COG5: variants seen among roughly 807,000 people sequenced by gnomAD.
COG5 encodes the protein component of oligomeric golgi complex 5.
A neutral mutation model predicts 110.4 loss-of-function variants in COG5; 86 were observed. The observed-to-expected ratio is 0.78, with a 90% CI of 0.65 to 0.93. The LOEUF is 0.93. Among genes scored for constraint, COG5 ranks in the 40% least tolerant of loss-of-function variants. The pLI is 0.00. For synonymous variants in COG5, 360 were observed against 334.6 expected, an observed-to-expected ratio of 1.08 and a Z score of -0.83; for missense variants, 1,077 against 987.0, an observed-to-expected ratio of 1.09 and a Z score of -1.22.
chr7:107,534,433 A>G lies in COG5; in HGVS notation c.418-7076T>C, dbSNP rs1263456282. Among the ~76,000 whole-genome samples, 2 of 151,472 alleles carry G rather than the reference A, an allele frequency of 1.3e-5. 1 individual carries two copies. Among genetic ancestry groups the G allele is most frequent in the African/African-American group, 4.9e-5 (2 of 40,776 alleles). Reference sequence around the variant, plus strand: ...TTCAGGAGATCCATCTCATGTGTAAAGACACATATAGGCTGAAAATAAAGG... The same window carrying G: ...TTCAGGAGATCCATCTCATGTGTAAGGACACATATAGGCTGAAAATAAAGG... On this transcript the variant is annotated intron_variant, in intron 5 of 21. Coordinates refer to ENST00000297135, the MANE Select transcript of COG5 (RefSeq NM_006348.5).
At chr7:107,278,070 T>C (rs2116771229) in intron 14 of COG5, among the ~76,000 whole-genome samples, 1 of 152,292 alleles carries the variant, frequency 6.6e-6, no homozygotes, top group South Asian at 2.1e-4. Context: ...GAGACTTCTA[T>C]AACCAATCTT....
At chr7:107,406,531 A>T (rs1791850387) in intron 7 of COG5, among the ~76,000 whole-genome samples, 1 of 152,164 alleles carries the variant, frequency 6.6e-6, no homozygotes, top group South Asian at 2.1e-4. Flanking sequence ...GTCAAACTTG[A>T]CAACTGGTAA....
intron 6 of COG5, among the ~76,000 whole-genome samples, chr7:107,516,450 T>C (rs920233685): frequency 6.6e-6 from 1 of 152,254 alleles, no homozygotes; most frequent in African/African-American, 2.4e-5. Context: ...TTTGAAGAGC[T>C]TCTTAAATTT....
chr7:107,209,352 T>C (rs373711357), intron 21 of COG5: 3 of 341,790 alleles, frequency 8.8e-6, no homozygotes, highest in African/African-American at 2.2e-5. Context: ...ACAGGGAGTA[T>C]AAGAGAATGA....
intron 6 of COG5, among the ~76,000 whole-genome samples, chr7:107,440,515 G>T (rs190447983): frequency 6.6e-6 from 1 of 152,072 alleles, no homozygotes; most frequent in African/African-American, 2.4e-5. Context: ...CTAATAAGAC[G>T]GTCTTTTGCA....
At chr7:107,482,498 A>G (rs1331475895) in intron 6 of COG5, among the ~76,000 whole-genome samples, 1 of 152,022 alleles carries the variant, frequency 6.6e-6, no homozygotes, top group Non-Finnish European at 1.5e-5. Context: ...ACGTTTAACA[A>G]TTACTACTTT....
Position 107,313,645 on chromosome 7 carries a change from C to T in COG5, c.1108+10795G>A, listed in dbSNP as rs188917406. 1.0e-3 allele frequency among the ~76,000 whole-genome samples: 159 copies of T among 152,048 alleles called. 1 individual carries two copies. In the East Asian group the frequency reaches 0.024, roughly 23 times the overall value. ...TTGCCTGCATTCCTTGGTTTGTGGC[C>T]CCCCTTCAAGCAATTATATTACTCC... is the stretch of plus-strand genomic sequence containing the variant. On this transcript the variant is annotated intron_variant, in intron 11 of 21. Coordinates refer to ENST00000297135, the MANE Select transcript of COG5 (RefSeq NM_006348.5).
intron 6 of COG5, among the ~76,000 whole-genome samples, chr7:107,525,748 A>AG (rs1202461208): frequency 1.3e-5 from 2 of 151,924 alleles, no homozygotes; most frequent in African/African-American, 2.4e-5. Flanking sequence ...TTTACTTCTC[A>AG]ATTTTTACTT....
intron 11 of COG5, among the ~76,000 whole-genome samples, chr7:107,299,458 A>T (rs1260149804): frequency 6.6e-6 from 1 of 152,262 alleles, no homozygotes; most frequent in Non-Finnish European, 1.5e-5. Context: ...CTTGAAAGAA[A>T]CAAACTAACA....
intron 6 of COG5, among the ~76,000 whole-genome samples, chr7:107,464,277 G>A (rs1400413125): frequency 6.6e-6 from 1 of 152,120 alleles, no homozygotes; most frequent in African/African-American, 2.4e-5. Flanking sequence ...GCTCTCAGAA[G>A]CCCTTCATTC....
At chr7:107,354,280 A>T (rs1157946596) in intron 10 of COG5, among the ~76,000 whole-genome samples, 1 of 152,228 alleles carries the variant, frequency 6.6e-6, no homozygotes, top group Non-Finnish European at 1.5e-5. Flanking sequence ...ATATCATGTT[A>T]TTAGAACTAC....
At chr7:107,469,038 AT>A (rs1205364527) in intron 6 of COG5, among the ~76,000 whole-genome samples, 2 of 149,914 alleles carry the variant, frequency 1.3e-5, no homozygotes, top group African/African-American at 4.8e-5. Context: ...TTAATTTAAA[AT>A]TTTTAATTTA....
At chr7:107,522,968 C>T (rs978146881) in intron 6 of COG5, among the ~76,000 whole-genome samples, 1 of 152,144 alleles carries the variant, frequency 6.6e-6, no homozygotes, top group Non-Finnish European at 1.5e-5. Flanking sequence ...ACTCTGTTTT[C>T]TCTTAAAAGT....
intron 12 of COG5, among the ~76,000 whole-genome samples, chr7:107,288,962 A>G (rs1430926008): frequency 1.1e-5 from 1 of 92,500 alleles, no homozygotes; most frequent in African/African-American, 4.1e-5. Flanking sequence ...ATATATATAT[A>G]TTTAAAAATT....
chr7:107,362,369 C>T lies in COG5; in HGVS notation c.887G>A (p.Arg296His), dbSNP rs576854159. Residue 296 changes from arginine (R) to histidine (H), a missense_variant, in exon 9 of 22, where the codon CGT becomes CAT. Coordinates refer to ENST00000297135, the MANE Select transcript of COG5 (RefSeq NM_006348.5). The part of the protein sequence containing the change: ...MPTPGNTAAL[R>H]ASFWTNMEKL... ...CTCCATATTGGTCCAGAATGAGGCA[C>T]GCAAAGCTGCAGTATTTCCTGGGGT... The T allele has an allele frequency of 6.2e-6, 10 of 1,613,814 alleles. No individual in the cohort carries two copies. The highest frequency in any genetic ancestry group is 4.4e-5 in the South Asian group (4 of 91,088).
intron 18 of COG5, 43 bp downstream of exon 18, chr7:107,236,407 G>T: frequency 7.2e-7 from 1 of 1,387,082 alleles, no homozygotes; most frequent in Non-Finnish European, 1.0e-6. Flanking sequence ...AGATGATATT[G>T]AGGCCAAAAC....
chr7:107,477,420 T>C (rs185612779), intron 6 of COG5, among the ~76,000 whole-genome samples: 53 of 151,770 alleles, frequency 3.5e-4, no homozygotes, highest in Admixed American at 3.2e-3. Flanking sequence ...GAACTCAGTA[T>C]AAAAAAGAGA....
At chr7:107,468,034 T>A (rs1796407200) in intron 6 of COG5, among the ~76,000 whole-genome samples, 1 of 152,172 alleles carries the variant, frequency 6.6e-6, no homozygotes, top group Non-Finnish European at 1.5e-5. Flanking sequence ...ACAAAAGGAA[T>A]CAAAGTTGAC....
chr7:107,518,310 T>G (rs202129678), intron 6 of COG5, among the ~76,000 whole-genome samples: 1 of 152,026 alleles, frequency 6.6e-6, no homozygotes, highest in East Asian at 1.9e-4. Flanking sequence ...ACATAACAAT[T>G]TTAACCTTAA....
Sources: allele counts gnomAD v4.1 joint callset (sites outside exome capture counted in the v4.1 genomes callset), GRCh38; gene constraint gnomAD v4.1.1; transcripts MANE v1.5; gene names NCBI Gene and HGNC (gene_info 2026-07-23, HGNC 2026-07-21).